MIDEAS: variants seen among roughly 807,000 people sequenced by gnomAD.
MIDEAS encodes mitotic deacetylase associated SANT domain protein.
MIDEAS carries 26 observed loss-of-function variants against 102.7 expected under a neutral mutation model. The ratio of observed to expected loss-of-function variants is 0.25; its 90% CI spans 0.19 to 0.35. The LOEUF is 0.35. MIDEAS is among the 10% of genes least tolerant of loss of function. The probability of loss-of-function intolerance (pLI) is 1.00; values close to 1 mark genes in which losing one functional copy is unlikely to be tolerated. For missense variants in MIDEAS, 1,231 were observed against 1,435.6 expected, an observed-to-expected ratio of 0.86 and a Z score of 2.30; for synonymous variants, 585 against 591.0, an observed-to-expected ratio of 0.99 and a Z score of 0.15.
Position 73,722,794 on chromosome 14 carries a change from C to T in MIDEAS, c.2628G>A (p.Lys876=). The change falls in exon 10 of 13, where the codon AAG becomes AAA. Residue 876 remains lysine, a synonymous_variant. Coordinates refer to ENST00000423556, the MANE Select transcript of MIDEAS (RefSeq NM_001367710.1). ...TCCCATTGCGGCCGATTTTCACCTGCTTCTTGTAGGTGTAGTAGAACTCCA... is the reference window on the plus strand; with the variant it reads ...TCCCATTGCGGCCGATTTTCACCTGTTTCTTGTAGGTGTAGTAGAACTCCA... ...QCVEFYYTYK[K]QVKIGRNGTL... 1.2e-6 allele frequency: 2 copies of T among 1,614,220 alleles called. No individual in the cohort carries two copies. The highest frequency in any genetic ancestry group is 1.7e-6 in the Non-Finnish European group (2 of 1,180,034).
At chr14:73,728,439 C>G (rs767054883) in intron 4 of MIDEAS, 2 of 152,568 alleles carry the variant, frequency 1.3e-5, no homozygotes, top group Non-Finnish European at 2.9e-5. Flanking sequence ...TCTCCCTGCA[C>G]GGTCCCATCT....
At chr14:73,723,597 CAG>C (rs2053024233) in intron 9 of MIDEAS, 1 of 152,158 alleles carries the variant, frequency 6.6e-6, no homozygotes, top group Admixed American at 6.5e-5. Context: ...TTAGCTGAAT[CAG>C]AGAACAAGAG....
Position 73,739,500 on chromosome 14 carries a change from G to T in MIDEAS, c.509C>A (p.Ala170Glu). 1 of 1,613,160 alleles carries T rather than the reference G, an allele frequency of 6.2e-7. No individual in the cohort carries two copies. Among genetic ancestry groups the T allele is most frequent in the Non-Finnish European group, 8.5e-7 (1 of 1,179,476 alleles). Residue 170 changes from alanine (A) to glutamate (E), a missense_variant, in exon 2 of 13, where the codon GCG becomes GAG. Transcript: ENST00000423556. ...ATAGCGGTCCAGCTGTGGGCCCCCC[G>T]CTTTCTCCCGCTTCAGTGCCTCAGG... ...NHPEALKREK[A>E]GGPQLDRYVR... is the part of the protein sequence containing the mutation.
At chr14:73,736,493 C>T (rs976053773) in intron 3 of MIDEAS, among the ~76,000 whole-genome samples, 4 of 151,660 alleles carry the variant, frequency 2.6e-5, no homozygotes, top group East Asian at 1.9e-4. Context: ...TAGCTGGGCG[C>T]GGTGGTGGGC....
intron 3 of MIDEAS, among the ~76,000 whole-genome samples, chr14:73,731,592 G>A (rs1304618478): frequency 5.3e-5 from 8 of 152,178 alleles, no homozygotes; most frequent in Non-Finnish European, 1.0e-4. Flanking sequence ...AAACTATTCT[G>A]AATATCTGAC....
chr14:73,769,588 G>GC (rs2053623618), intron 1 of MIDEAS, among the ~76,000 whole-genome samples: 1 of 126,946 alleles, frequency 7.9e-6, no homozygotes, highest in Non-Finnish European at 1.7e-5. Context: ...TTGCAAGAGG[G>GC]TTTTTGTTTT....
At chr14:73,719,071 G>T in intron 12 of MIDEAS, 63 bp from the exon 13 acceptor site, 1 of 1,447,174 alleles carries the variant, frequency 6.9e-7, no homozygotes, top group Non-Finnish European at 9.0e-7. Context: ...CAGCGCGGGT[G>T]CGCGAGGAGC....
chr14:73,747,409 C>T (rs921172982), intron 1 of MIDEAS, among the ~76,000 whole-genome samples: 9 of 152,154 alleles, frequency 5.9e-5, no homozygotes, highest in Non-Finnish European at 1.2e-4. Context: ...CAAGTGCCAC[C>T]AGGACTAGCT....
chr14:73,726,018 C>T lies in MIDEAS; in HGVS notation c.2485+15G>A, dbSNP rs1229149376. 1.0e-5 allele frequency: 16 copies of T among 1,578,888 alleles called. No individual in the cohort carries two copies. The highest frequency in any genetic ancestry group is 5.4e-5 in the African/African-American group (4 of 74,572). ...TTGAGGCTCCAGGCACCATGCCCAC[C>T]GCAGCCAGGCCCACCTGTGTAGTGA... is the stretch of plus-strand genomic sequence containing the variant. On this transcript the variant is annotated intron_variant, in intron 8 of 12. Transcript: ENST00000423556.
chr14:73,730,113 G>C (rs778090288), intron 3 of MIDEAS, 128 bp from the exon 4 acceptor site: 97 of 977,574 alleles, frequency 9.9e-5, no homozygotes, highest in Admixed American at 2.8e-4. Flanking sequence ...AGGCAAGCCT[G>C]AAAAAAGGAG....
chr14:73,775,767 G>T (rs2053683160), intron 1 of MIDEAS, among the ~76,000 whole-genome samples: 1 of 152,082 alleles, frequency 6.6e-6, no homozygotes, highest in South Asian at 2.1e-4. Flanking sequence ...TTGCTTCAAA[G>T]AGTTATACCC....
chr14:73,727,430 C>A, intron 5 of MIDEAS, 28 bp downstream of exon 5: 2 of 1,613,438 alleles, frequency 1.2e-6, no homozygotes, highest in Non-Finnish European at 1.7e-6. Flanking sequence ...CACCCACACC[C>A]CTCGGCCAGG....
chr14:73,747,383 A>T (rs965155046), intron 1 of MIDEAS, among the ~76,000 whole-genome samples: 2 of 151,980 alleles, frequency 1.3e-5, no homozygotes, highest in African/African-American at 4.8e-5. Flanking sequence ...GACCAAAGAA[A>T]CACCTTTGTA....
rs11624425 is a variant in MIDEAS, at chr14:73,742,394, C to G, written c.-247-2139G>C. Reference sequence around the variant, plus strand: ...GTGTGAACCTGATGGAGGGGTGCGCCCCCTCCATGGGGATGGCTGCTCAGA... The same window carrying G: ...GTGTGAACCTGATGGAGGGGTGCGCGCCCTCCATGGGGATGGCTGCTCAGA... On this transcript the variant is annotated intron_variant, in intron 1 of 12. Coordinates refer to ENST00000423556, the MANE Select transcript of MIDEAS (RefSeq NM_001367710.1). This position sits in a 1 kb window ranked among gnomAD's most constrained non-coding sequence, Gnocchi z 4.4. 0.22 allele frequency among the ~76,000 whole-genome samples: 33,463 copies of G among 152,224 alleles called. 4,936 individuals are homozygous for G. Among genetic ancestry groups the G allele is most frequent in the Non-Finnish European group, 0.33 (22,366 of 67,988 alleles).
rs55692592 is a variant in MIDEAS, at chr14:73,756,295, T to TGTGTGTGTGCAC, written c.-248+3467_-248+3468insGTGCACACACAC. On this transcript the variant is annotated intron_variant, in intron 1 of 12. Coordinates refer to ENST00000423556, the MANE Select transcript of MIDEAS (RefSeq NM_001367710.1). ...GTGTGTGTGTGTGTGTGTGTGTGTG[T>TGTGTGTGTGCAC]GCGCGCGCGCGTGCGCGCTGAGGTG... 3.9e-5 allele frequency among the ~76,000 whole-genome samples: 5 copies of TGTGTGTGTGCAC among 127,718 alleles called. No homozygotes were observed. The East Asian group carries it at 1.1e-3, about 28-fold the overall frequency. 83.8% of individuals were successfully genotyped at this position (127,718 alleles called of 152,430 possible).
At chr14:73,745,345 G>C (rs1178803098) in intron 1 of MIDEAS, among the ~76,000 whole-genome samples, 1 of 152,194 alleles carries the variant, frequency 6.6e-6, no homozygotes, top group African/African-American at 2.4e-5. Context: ...CAGCTCCACT[G>C]TTGCCCTCCA....
Position 73,721,522 on chromosome 14 carries a change from A to G in MIDEAS, c.2725-13T>C, listed in dbSNP as rs755639224. 4 of 1,612,096 alleles carry G rather than the reference A, an allele frequency of 2.5e-6. No individual in the cohort carries two copies. The East Asian group carries it at 8.9e-5, about 36-fold the overall frequency. On this transcript the variant is annotated splice_polypyrimidine_tract_variant and intron_variant, in intron 10 of 12. Coordinates refer to ENST00000423556, the MANE Select transcript of MIDEAS (RefSeq NM_001367710.1). ...ACTTTTGGGAAGTCTATGGGGAACA[A>G]GAACAAGGGCAGTGAGCCTAGAGCT... is the stretch of plus-strand genomic sequence containing the variant.
At position 73,719,384 on chromosome 14, in the gene MIDEAS, A is replaced by T. The variant is rs908523328; in HGVS notation, c.3055T>A (p.Ser1019Thr). ...GTCTCTGTTTTTTTCTTCTTCTCTG[A>T]AAAAGGTAGTGCCCTTCGTGACTTC... The part of the protein sequence containing the change: ...TGKSRRALPF[S>T]EKKKKTETFS... The change falls in exon 12 of 13, where the codon TCA becomes ACA. Residue 1019 changes from serine (S) to threonine (T), a missense_variant. Ser to Thr is a moderately conservative substitution (Grantham distance 58). Transcript: ENST00000423556. The T allele has an allele frequency of 6.2e-7, 1 of 1,613,826 alleles. No homozygotes were observed. The highest frequency in any genetic ancestry group is 8.5e-7 in the Non-Finnish European group (1 of 1,179,964).
At chr14:73,785,764 G>A (rs1595306251) in intron 1 of MIDEAS, among the ~76,000 whole-genome samples, 1 of 152,284 alleles carries the variant, frequency 6.6e-6, no homozygotes, top group East Asian at 1.9e-4. Flanking sequence ...TAGAGTTCCT[G>A]GGATAGTTTT....
Sources: allele counts gnomAD v4.1 joint callset (sites outside exome capture counted in the v4.1 genomes callset), GRCh38; gene constraint gnomAD v4.1.1; non-coding constraint Gnocchi (gnomAD v3.1); transcripts MANE v1.5; gene names NCBI Gene and HGNC (gene_info 2026-07-23, HGNC 2026-07-21).